MMP8: variants seen among roughly 807,000 people sequenced by gnomAD.
MMP8 encodes the protein matrix metallopeptidase 8, also known as neutrophil collagenase.
A neutral mutation model predicts 51.2 loss-of-function variants in MMP8; 67 were observed. The observed-to-expected ratio is 1.31, with a 90% CI of 1.08 to 1.60. MMP8 has a LOEUF of 1.60. Ranked by LOEUF, MMP8 falls within the 40% of genes most tolerant of loss-of-function variation. The pLI, the probability that MMP8 is intolerant of heterozygous loss-of-function variation, is 0.00. For missense variants in MMP8, 654 were observed against 558.1 expected, an observed-to-expected ratio of 1.17 and a Z score of -1.73; for synonymous variants, 225 against 191.0, an observed-to-expected ratio of 1.18 and a Z score of -1.47.
intron 1 of MMP8, 87 bp downstream of exon 1, chr11:102,724,667 G>T: frequency 8.5e-7 from 1 of 1,174,388 alleles, no homozygotes; most frequent in Non-Finnish European, 1.2e-6. Context: ...ATTTCTTTCA[G>T]GCTGTTTTAA....
chr11:102,714,806 A>G (rs981597514), intron 7 of MMP8, 97 bp from the exon 8 acceptor site: 8 of 211,730 alleles, frequency 3.8e-5, no homozygotes, highest in Non-Finnish European at 5.6e-5. Flanking sequence ...ATATATATAT[A>G]CCACTTCTTG....
In MMP8 at chr11:102,721,844, G is replaced by A. The variant is rs35520569; in HGVS notation, c.348-82C>T. ...AACTGATGAGTTGTTCTGTTTTGAA[G>A]TGAGTTGCATCATGGTGTGCTACCA... On this transcript the variant is annotated intron_variant, in intron 2 of 9. Coordinates refer to ENST00000236826, the MANE Select transcript of MMP8 (RefSeq NM_002424.3). 3.5e-3 allele frequency: 5,264 copies of A among 1,501,126 alleles called. 25 individuals carry two copies. Among genetic ancestry groups the A allele is most frequent in the Non-Finnish European group, 4.2e-3 (4,586 of 1,100,816 alleles). The allele number at this position is 1,501,126 out of a possible 1,614,324, so 93.0% of individuals were successfully genotyped here.
rs1185789068 is a variant in MMP8, at chr11:102,714,672, C to T, written c.1074G>A (p.Leu358=). Residue 358 remains leucine (L), a synonymous_variant, in exon 8 of 10, where the codon CTG becomes CTA. Transcript: ENST00000236826. ...QYWALSGYDI[L]QGYPKDISNY... ...TTGATATATCCTTGGGATAACCTTG[C>T]AGAATATCATAGCCACTCAGAGCCC... 4 of 1,544,948 alleles carry T rather than the reference C, an allele frequency of 2.6e-6. No homozygotes were observed. The Middle Eastern group carries it at 6.8e-4, about 262-fold the overall frequency.
intron 4 of MMP8, among the ~76,000 whole-genome samples, chr11:102,720,920 T>A (rs996069074): frequency 1.3e-5 from 2 of 151,352 alleles, no homozygotes; most frequent in African/African-American, 4.8e-5. Context: ...TAGGCTCTTT[T>A]CAAACATCAC....
intron 1 of MMP8, chr11:102,723,644 T>C: frequency 2.9e-6 from 1 of 350,358 alleles, no homozygotes; most frequent in Non-Finnish European, 5.7e-6. Flanking sequence ...CCCATTCTAT[T>C]AATTACTAAT....
Position 102,718,460 on chromosome 11 carries a change from G to A in MMP8, c.738C>T (p.Asn246=). The part of the protein sequence containing the change: ...YPNYAFRETS[N]YSLPQDDIDG... ...CGATGTCATCTTGAGGGAGTGAGTA[G>A]TTGCTGGTTTCCCTGAAAGCATAGT... Residue 246 remains asparagine, a synonymous_variant, in exon 5 of 10, where the codon AAC becomes AAT. Transcript: ENST00000236826. The A allele has an allele frequency of 6.2e-7, 1 of 1,613,650 alleles. No individual in the cohort carries two copies. The highest frequency in any genetic ancestry group is 8.5e-7 in the Non-Finnish European group (1 of 1,179,826).
At chr11:102,722,305 C>T in intron 2 of MMP8, 124 bp downstream of exon 2, 1 of 1,066,062 alleles carries the variant, frequency 9.4e-7, no homozygotes, top group Non-Finnish European at 1.3e-6. Context: ...TCACTACTCA[C>T]ACTCTTCAAA....
intron 9 of MMP8, 51 bp downstream of exon 9, chr11:102,713,703 T>TA (rs1861192919): frequency 6.8e-7 from 1 of 1,465,174 alleles, no homozygotes; most frequent in African/African-American, 1.4e-5. Flanking sequence ...CTGTCTCCTC[T>TA]ATAATAAACA....
chr11:102,723,504 G>C (rs1179815280), intron 1 of MMP8: 2 of 456,116 alleles, frequency 4.4e-6, no homozygotes, highest in Non-Finnish European at 8.8e-6. Flanking sequence ...GGAAGTCCAA[G>C]ATCAGGTGGC....
chr11:102,715,533 A>G, intron 6 of MMP8, 96 bp from the exon 7 acceptor site: 1 of 1,463,388 alleles, frequency 6.8e-7, no homozygotes, highest in Non-Finnish European at 9.1e-7. Context: ...TCCTTGTAGG[A>G]TTGCTGGGAG....
chr11:102,723,178 C>A, intron 1 of MMP8: 1 of 535,146 alleles, frequency 1.9e-6, no homozygotes. Context: ...CTGATAATTT[C>A]AAAATAATTT....
In MMP8 at chr11:102,724,741, A is replaced by T. The variant is rs754385911; in HGVS notation, c.102+13T>A. ...CAGCAAATCAAACATCACCTAACTG[A>T]TAGTTCATTTACCTGAACAGTTTTT... On this transcript the variant is annotated intron_variant, in intron 1 of 9. Coordinates refer to ENST00000236826, the MANE Select transcript of MMP8 (RefSeq NM_002424.3). The T allele has an allele frequency of 6.3e-7, 1 of 1,580,282 alleles. No individual in the cohort carries two copies. The highest frequency in any genetic ancestry group is 1.2e-5 in the South Asian group (1 of 85,192).
intron 4 of MMP8, among the ~76,000 whole-genome samples, chr11:102,719,798 C>A (rs754942452): frequency 2.0e-4 from 31 of 152,276 alleles, no homozygotes; most frequent in Non-Finnish European, 3.4e-4. Context: ...ACAGGGAGTG[C>A]ATAGTCTAGA....
At chr11:102,719,951 C>T (rs1282906459) in intron 4 of MMP8, among the ~76,000 whole-genome samples, 2 of 152,280 alleles carry the variant, frequency 1.3e-5, no homozygotes, top group South Asian at 2.1e-4. Context: ...ACATACATAG[C>T]ATGGCAAGAT....
intron 1 of MMP8, 92 bp from the exon 2 acceptor site, chr11:102,722,765 C>T (rs1012639110): frequency 1.3e-6 from 2 of 1,515,252 alleles, no homozygotes; most frequent in African/African-American, 2.8e-5. Flanking sequence ...CTACAGAGGT[C>T]TGATAACTTG....
At chr11:102,722,402 T>C (rs1384090987) in intron 2 of MMP8, 27 bp downstream of exon 2, 1 of 1,610,652 alleles carries the variant, frequency 6.2e-7, no homozygotes, top group Non-Finnish European at 8.5e-7. Flanking sequence ...GATAAATGAG[T>C]GTATCCTGAA....
chr11:102,716,185 T>G, intron 6 of MMP8, 117 bp downstream of exon 6: 6 of 718,494 alleles, frequency 8.4e-6, no homozygotes, highest in Non-Finnish European at 1.4e-5. Flanking sequence ...AAAATTCCGA[T>G]GAGAAGCACA....
Position 102,721,417 on chromosome 11 carries a change from C to T in MMP8, c.606G>A (p.Trp202Ter). The change falls in exon 4 of 10, where the codon TGG (tryptophan) becomes TGA (stop). Residue 202 changes from tryptophan (W) to a stop codon, truncating the protein, a stop_gained. Transcript: ENST00000236826. LOFTEE classifies it high-confidence loss of function. ...TTAACTTACTTGCGGAGGTGTTGGT[C>T]CATGTTTCTTCGGCATCAAAATGAG... The part of the protein sequence containing the change: ...GDAHFDAEET[W>*]TNTSANYNLF... The T allele has an allele frequency of 6.2e-7, 1 of 1,613,556 alleles. No homozygotes were observed. Among genetic ancestry groups the T allele is most frequent in the Non-Finnish European group, 8.5e-7 (1 of 1,179,762 alleles).
intron 5 of MMP8, among the ~76,000 whole-genome samples, chr11:102,717,667 T>G (rs1861338892): frequency 6.6e-6 from 1 of 152,136 alleles, no homozygotes; most frequent in African/African-American, 2.4e-5. Flanking sequence ...GTCTTCCAAC[T>G]TCCATTACCA....
Sources: gnomAD v4.1 joint callset for allele counts (sites outside exome capture counted in the v4.1 genomes callset) on GRCh38, gnomAD v4.1.1 for gene constraint, MANE v1.5 for transcripts, NCBI Gene and HGNC (gene_info 2026-07-23, HGNC 2026-07-21) for gene names.